CDH18: variants seen among roughly 807,000 people sequenced by gnomAD.
CDH18 encodes cadherin 18.
Under a neutral mutation model 67.9 loss-of-function variants are expected in CDH18, and 31 were observed. The ratio of observed to expected loss-of-function variants is 0.46; its 90% CI spans 0.34 to 0.62. The LOEUF is 0.62. CDH18 is among the 20% of genes least tolerant of loss of function. The pLI is 0.01. For missense variants in CDH18, 890 were observed against 975.5 expected, an observed-to-expected ratio of 0.91 and a Z score of 1.17; for synonymous variants, 362 against 347.2, an observed-to-expected ratio of 1.04 and a Z score of -0.48.
At chr5:20,506,923 TG>T (rs1754695843) in intron 1 of CDH18, among the ~76,000 whole-genome samples, 1 of 152,190 alleles carries the variant, frequency 6.6e-6, no homozygotes, top group Non-Finnish European at 1.5e-5. Context: ...GTCACTGAAC[TG>T]ATGGAATGCC....
At chr5:19,968,697 A>T (rs1273495971) in intron 2 of CDH18, among the ~76,000 whole-genome samples, 1 of 143,154 alleles carries the variant, frequency 7.0e-6, no homozygotes, top group East Asian at 1.9e-4. Flanking sequence ...TTAATTCAAG[A>T]TGGATTAAAG....
At chr5:20,359,522 G>C (rs1249874306) in intron 1 of CDH18, among the ~76,000 whole-genome samples, 1 of 152,046 alleles carries the variant, frequency 6.6e-6, no homozygotes, top group African/African-American at 2.4e-5. Context: ...ATAAACTATG[G>C]CCTTTAAGTA....
chr5:20,438,577 C>G (rs545247520), intron 1 of CDH18, among the ~76,000 whole-genome samples: 1 of 151,340 alleles, frequency 6.6e-6, no homozygotes, highest in African/African-American at 2.4e-5. Context: ...CAATGAGAGG[C>G]TAAGGCAACT....
intron 1 of CDH18, among the ~76,000 whole-genome samples, chr5:20,458,429 C>G (rs1160687824): frequency 6.6e-6 from 1 of 152,064 alleles, no homozygotes; most frequent in East Asian, 1.9e-4. Flanking sequence ...ACCAGCCTGA[C>G]CAACATGGTG....
Position 19,920,893 on chromosome 5 carries a change from G to GCACACACACACACACACA in CDH18, c.-257+60149_-257+60166dup, listed in dbSNP as rs70954622. On this transcript the variant is annotated intron_variant, in intron 2 of 12. Coordinates refer to ENST00000382275, the MANE Select transcript of CDH18 (RefSeq NM_004934.5). The stretch of plus-strand genomic sequence containing the variant: ...ATTATATATATGTATACCCACAAGA[G>GCACACACACACACACACA]CACACACACACACACACACACACAC... 6.4e-4 allele frequency among the ~76,000 whole-genome samples: 94 copies of GCACACACACACACACACA among 146,206 alleles called. 1 individual carries two copies. The highest frequency in any genetic ancestry group is 2.2e-3 in the African/African-American group (86 of 39,396).
chr5:20,089,587 G>A (rs2150557382), intron 2 of CDH18, among the ~76,000 whole-genome samples: 1 of 152,156 alleles, frequency 6.6e-6, no homozygotes, highest in South Asian at 2.1e-4. Context: ...ATTAAAATAT[G>A]TTAAAAATGA....
In CDH18 at chr5:20,240,232, A is replaced by G. The variant is rs147331297; in HGVS notation, c.-518+15212T>C. 8.1e-4 allele frequency among the ~76,000 whole-genome samples: 123 copies of G among 152,118 alleles called. 3 individuals are homozygous for G. The East Asian group carries it at 0.022, about 27-fold the overall frequency. ...AACAATAGTGGATATCCAAGTTTAGACTTAATACATTAGTTTTTATCAAAT... is the reference window on the plus strand; with the variant it reads ...AACAATAGTGGATATCCAAGTTTAGGCTTAATACATTAGTTTTTATCAAAT... On this transcript the variant is annotated intron_variant, in intron 2 of 14. Coordinates refer to the CDH18 transcript ENST00000507958.
intron 5 of CDH18, among the ~76,000 whole-genome samples, chr5:19,701,614 T>C (rs529772518): frequency 3.4e-4 from 52 of 152,212 alleles, no homozygotes; most frequent in African/African-American, 1.2e-3. Flanking sequence ...TAACAGTGTT[T>C]GGGGGCAATG....
At chr5:20,406,349 C>T (rs10068208) in intron 1 of CDH18, among the ~76,000 whole-genome samples, 18 of 151,704 alleles carry the variant, frequency 1.2e-4, no homozygotes, top group African/African-American at 4.9e-5. Context: ...AACCAAACAC[C>T]GCATGTTCTC....
chr5:20,309,809 T>C (rs1279485549), intron 1 of CDH18, among the ~76,000 whole-genome samples: 1 of 152,226 alleles, frequency 6.6e-6, no homozygotes, highest in Non-Finnish European at 1.5e-5. Flanking sequence ...TTTACTACTG[T>C]TATTAATTTC....
intron 2 of CDH18, among the ~76,000 whole-genome samples, chr5:20,135,197 A>C (rs1003980327): frequency 2.6e-5 from 4 of 152,096 alleles, no homozygotes; most frequent in Non-Finnish European, 5.9e-5. Context: ...TCCACCCTGA[A>C]GTAGAGTTTT....
chr5:20,470,933 C>T (rs1752013421), intron 1 of CDH18, among the ~76,000 whole-genome samples: 1 of 152,174 alleles, frequency 6.6e-6, no homozygotes, highest in South Asian at 2.1e-4. Context: ...GAGATCGTTC[C>T]TATCATACTG....
At chr5:20,078,427 C>T (rs1158195666) in intron 2 of CDH18, among the ~76,000 whole-genome samples, 2 of 151,936 alleles carry the variant, frequency 1.3e-5, no homozygotes, top group Admixed American at 6.5e-5. Context: ...CACGCCATTG[C>T]ACTCCAGCCT....
chr5:19,920,688 AT>A (rs1247505537), intron 2 of CDH18, among the ~76,000 whole-genome samples: 2 of 151,214 alleles, frequency 1.3e-5, no homozygotes, highest in Non-Finnish European at 2.9e-5. Flanking sequence ...TAATTTTTGT[AT>A]TTTTAGTAGA....
chr5:19,950,537 A>C (rs563586001), intron 2 of CDH18, among the ~76,000 whole-genome samples: 1 of 152,154 alleles, frequency 6.6e-6, no homozygotes, highest in Non-Finnish European at 1.5e-5. Flanking sequence ...AAATTGAAAT[A>C]AAGAAAATAT....
chr5:19,498,715 A>T (rs1482400687), intron 11 of CDH18, among the ~76,000 whole-genome samples: 1 of 152,160 alleles, frequency 6.6e-6, no homozygotes, highest in African/African-American at 2.4e-5. Context: ...TCCACTTTCA[A>T]TACCTATGTT....
At chr5:20,160,135 C>T (rs1364272967) in intron 2 of CDH18, among the ~76,000 whole-genome samples, 2 of 152,136 alleles carry the variant, frequency 1.3e-5, no homozygotes, top group African/African-American at 4.8e-5. Context: ...ATATCAAAAT[C>T]AGGACTGCAT....
At chr5:19,672,014 TG>T (rs1394314321) in intron 5 of CDH18, among the ~76,000 whole-genome samples, 1 of 152,152 alleles carries the variant, frequency 6.6e-6, no homozygotes, top group Admixed American at 6.6e-5. Flanking sequence ...TGGTATAAAC[TG>T]AGCTACCCTC....
At chr5:20,099,570 T>C (rs1198113342) in intron 2 of CDH18, among the ~76,000 whole-genome samples, 8 of 151,184 alleles carry the variant, frequency 5.3e-5, no homozygotes, top group Non-Finnish European at 8.8e-5. Context: ...ATTATTATTC[T>C]TGCTTTAACA....
Sources: gnomAD v4.1 joint callset for allele counts (sites outside exome capture counted in the v4.1 genomes callset) on GRCh38, gnomAD v4.1.1 for gene constraint, MANE v1.5 for transcripts, NCBI Gene and HGNC (gene_info 2026-07-23, HGNC 2026-07-21) for gene names.